NRDC: variants seen among roughly 807,000 people sequenced by gnomAD.
NRDC encodes the protein nardilysin.
Under a neutral mutation model 147.1 loss-of-function variants are expected in NRDC, and 54 were observed. That is an observed-to-expected ratio of 0.37 (90% confidence interval 0.29 to 0.46). NRDC has a LOEUF of 0.46. Among genes scored for constraint, NRDC ranks in the 20% least tolerant of loss-of-function variants. The pLI is 1.00. For synonymous variants in NRDC, 440 were observed against 482.1 expected (o/e 0.91, Z 1.14); for missense variants, 1,082 against 1,370.6 (o/e 0.79, Z 3.33).
At chr1:51,813,275 A>G (rs1411756451) in intron 14 of NRDC, among the ~76,000 whole-genome samples, 3 of 152,234 alleles carry the variant, frequency 2.0e-5, no homozygotes, top group Admixed American at 6.5e-5. Flanking sequence ...AGTCAATTCA[A>G]GTATTTACCG....
At chr1:51,802,663 G>A (rs541168906) in intron 20 of NRDC, among the ~76,000 whole-genome samples, 4 of 152,080 alleles carry the variant, frequency 2.6e-5, no homozygotes, top group African/African-American at 4.8e-5. Context: ...TACTGATGGC[G>A]TCTCCTTCTG....
At chr1:51,843,220 T>G (rs1681361348) in intron 1 of NRDC, among the ~76,000 whole-genome samples, 1 of 151,198 alleles carries the variant, frequency 6.6e-6, no homozygotes, top group African/African-American at 2.4e-5. Context: ...ATTGTTGAAC[T>G]GAAGGCAATT....
At chr1:51,866,187 A>C (rs1682796006) in intron 1 of NRDC, among the ~76,000 whole-genome samples, 1 of 152,146 alleles carries the variant, frequency 6.6e-6, no homozygotes, top group Non-Finnish European at 1.5e-5. Context: ...TCACCACTGC[A>C]CTCCAGCCTG....
In NRDC at chr1:51,789,445, C is replaced by CAA. The variant is rs1553199803; in HGVS notation, c.3259-14_3259-13dup. ...CCATATCCAACAACCTGAAAGAGGACAAAGACAAAAGTGAAAAATATGCTG... is the reference window on the plus strand; with the variant it reads ...CCATATCCAACAACCTGAAAGAGGACAAAAAGACAAAAGTGAAAAATATGCTG... On this transcript the variant is annotated splice_polypyrimidine_tract_variant and intron_variant, in intron 30 of 30. Coordinates refer to ENST00000352171, the MANE Select transcript of NRDC (RefSeq NM_001101662.2). 2 of 1,613,594 alleles carry CAA rather than the reference C, an allele frequency of 1.2e-6. No homozygotes were observed. The highest frequency in any genetic ancestry group is 2.2e-5 in the South Asian group (2 of 91,072).
intron 1 of NRDC, among the ~76,000 whole-genome samples, chr1:51,847,563 C>T (rs1243104623): frequency 2.0e-5 from 3 of 152,208 alleles, no homozygotes; most frequent in East Asian, 1.9e-4. Context: ...TCGAGCGCAG[C>T]GCCAGTGGGC....
chr1:51,797,083 C>T (rs574510401), intron 22 of NRDC, among the ~76,000 whole-genome samples: 4 of 151,814 alleles, frequency 2.6e-5, no homozygotes, highest in Admixed American at 6.5e-5. Flanking sequence ...GCCTGTAGTC[C>T]CAGCTACTTG....
intron 15 of NRDC, among the ~76,000 whole-genome samples, chr1:51,811,604 A>C (rs986762382): frequency 6.6e-6 from 1 of 152,202 alleles, no homozygotes; most frequent in African/African-American, 2.4e-5. Context: ...TTTTTTAATA[A>C]ATATTTTCAA....
At chr1:51,846,984 CAG>C (rs1557928084) in intron 1 of NRDC, among the ~76,000 whole-genome samples, 1 of 152,118 alleles carries the variant, frequency 6.6e-6, no homozygotes, top group Non-Finnish European at 1.5e-5. Context: ...GAGCTAGACA[CAG>C]AGTGCTGATT....
At chr1:51,834,689 A>C (rs540090272) in intron 3 of NRDC, among the ~76,000 whole-genome samples, 1 of 152,332 alleles carries the variant, frequency 6.6e-6, no homozygotes, top group South Asian at 2.1e-4. Flanking sequence ...ATACTAAAAA[A>C]AAAAAATTTC....
intron 1 of NRDC, among the ~76,000 whole-genome samples, chr1:51,842,997 G>T (rs1268857278): frequency 2.1e-5 from 3 of 140,588 alleles, no homozygotes; most frequent in African/African-American, 7.8e-5. Context: ...CCGGGACATG[G>T]AAGTTGCCGT....
In NRDC at chr1:51,832,860, A is replaced by C. The variant is rs568662028; in HGVS notation, c.866+1157T>G. Among the ~76,000 whole-genome samples the C allele has an allele frequency of 2.6e-5, 4 of 152,362 alleles. No homozygotes were observed. In the South Asian group the frequency reaches 6.2e-4, roughly 24 times the overall value. On this transcript the variant is annotated intron_variant, in intron 4 of 30. Transcript: ENST00000352171. ...AGATCAGGATAATCATCACAGTATT[A>C]GAAAACTGGAAACAACTCAACTGTC...
At chr1:51,849,672 CG>C (rs1404970617) in intron 1 of NRDC, among the ~76,000 whole-genome samples, 45 of 150,446 alleles carry the variant, frequency 3.0e-4, no homozygotes, top group Non-Finnish European at 1.2e-4. Context: ...AAAAATTAGC[CG>C]GGCATGGTGG....
intron 1 of NRDC, among the ~76,000 whole-genome samples, chr1:51,848,092 C>T (rs550644181): frequency 8.5e-5 from 13 of 152,320 alleles, no homozygotes; most frequent in African/African-American, 3.1e-4. Context: ...TAAAGACAGT[C>T]ATGAACAAAA....
intron 1 of NRDC, among the ~76,000 whole-genome samples, chr1:51,877,585 A>C (rs1683395036): frequency 6.6e-6 from 1 of 152,162 alleles, no homozygotes; most frequent in African/African-American, 2.4e-5. Flanking sequence ...GAAAATACTC[A>C]GGTGGGGACT....
At chr1:51,876,633 T>C (rs1234253971) in intron 1 of NRDC, among the ~76,000 whole-genome samples, 3 of 152,182 alleles carry the variant, frequency 2.0e-5, no homozygotes, top group African/African-American at 7.2e-5. Context: ...AATCACATCT[T>C]TGATGAGAAA....
At chr1:51,846,290 T>C (rs1299756490) in intron 1 of NRDC, among the ~76,000 whole-genome samples, 1 of 152,132 alleles carries the variant, frequency 6.6e-6, no homozygotes, top group Non-Finnish European at 1.5e-5. Context: ...TTTTTTTATT[T>C]TTAATAGAGA....
chr1:51,860,810 A>C (rs1682491974), intron 1 of NRDC, among the ~76,000 whole-genome samples: 1 of 152,216 alleles, frequency 6.6e-6, no homozygotes, highest in South Asian at 2.1e-4. Flanking sequence ...AGAATATTAC[A>C]AGAGAGATAG....
chr1:51,821,810 C>CA (rs1277681546), intron 7 of NRDC, among the ~76,000 whole-genome samples: 1 of 151,968 alleles, frequency 6.6e-6, no homozygotes, highest in Non-Finnish European at 1.5e-5. Context: ...ACAAGTTTAA[C>CA]AAAAAAATAT....
chr1:51,810,458 C>A (rs2149200186), intron 15 of NRDC, 54 bp from the exon 16 acceptor site: 1 of 1,526,560 alleles, frequency 6.6e-7, no homozygotes, highest in East Asian at 2.4e-5. Context: ...CCTAATACAT[C>A]TCTGTTAAAA....
Sources: gnomAD v4.1 joint callset for allele counts (sites outside exome capture counted in the v4.1 genomes callset) on GRCh38, gnomAD v4.1.1 for gene constraint, MANE v1.5 for transcripts, NCBI Gene and HGNC (gene_info 2026-07-23, HGNC 2026-07-21) for gene names.